The following EHMT1 variants were observed in gnomAD, a reference collection of about 807,000 sequenced individuals.
The protein encoded by EHMT1 is histone-lysine N-methyltransferase EHMT1.
EHMT1 carries 15 observed loss-of-function variants against 147.2 expected under a neutral mutation model. The observed-to-expected ratio is 0.10, with a 90% confidence interval of 0.07 to 0.16. The LOEUF is 0.16. Ranked by LOEUF, EHMT1 falls within the 10% of genes least tolerant of loss-of-function variation. The probability of loss-of-function intolerance (pLI) is 1.00; values close to 1 mark genes in which losing one functional copy is unlikely to be tolerated. For missense variants in EHMT1, 1,587 were observed against 1,772.4 expected (o/e 0.90, Z 1.88); for synonymous variants, 795 against 709.6 (o/e 1.12, Z -1.91).
At chr9:137,633,258 A>C (rs1843743358) in intron 1 of EHMT1, among the ~76,000 whole-genome samples, 1 of 152,152 alleles carries the variant, frequency 6.6e-6, no homozygotes, top group Admixed American at 6.5e-5. Flanking sequence ...TGCACCAAGA[A>C]GCAAAATCAA....
rs147417429 is a variant in EHMT1 at position 137,634,185 on chromosome 9, T to C, written c.21+15136T>C. On this transcript the variant is annotated intron_variant, in intron 1 of 26. Transcript: ENST00000460843. ...ATTTTTGATGAAATCCACCTTCTTG[T>C]TTTCCAGTTGGTTTCTTTGCTTTTG... 3.9e-5 allele frequency among the ~76,000 whole-genome samples: 6 copies of C among 152,322 alleles called. No homozygotes were observed. In the East Asian group the frequency reaches 9.6e-4, roughly 24 times the overall value.
At chr9:137,820,247 C>T (rs1955296583) in intron 25 of EHMT1, 2 of 152,250 alleles carry the variant, frequency 1.3e-5, no homozygotes, top group Admixed American at 6.5e-5. Flanking sequence ...CAGGCATCTC[C>T]CTGTGCAGTG....
intron 15 of EHMT1, among the ~76,000 whole-genome samples, chr9:137,789,408 G>C (rs1272768755): frequency 6.6e-6 from 1 of 152,248 alleles, no homozygotes; most frequent in Non-Finnish European, 1.5e-5. Flanking sequence ...TGTGCTGAGC[G>C]TGCGGGCAGA....
intron 1 of EHMT1, among the ~76,000 whole-genome samples, chr9:137,658,204 G>T (rs1252572996): frequency 6.6e-6 from 1 of 152,172 alleles, no homozygotes; most frequent in African/African-American, 2.4e-5. Flanking sequence ...AGGCTGGAGT[G>T]CTGCGGCATG....
chr9:137,686,761 C>T (rs1190134448), intron 1 of EHMT1, among the ~76,000 whole-genome samples: 20 of 143,202 alleles, frequency 1.4e-4, no homozygotes, highest in South Asian at 6.7e-4. Context: ...GATGGAGTCT[C>T]GCTCTGTCAC....
chr9:137,671,993 C>T (rs1437548344), intron 1 of EHMT1, among the ~76,000 whole-genome samples: 4 of 152,188 alleles, frequency 2.6e-5, no homozygotes, highest in African/African-American at 9.7e-5. Context: ...CCCAGCACTT[C>T]CTGTCCAGCA....
intron 1 of EHMT1, among the ~76,000 whole-genome samples, 181 bp downstream of exon 1, chr9:137,619,230 G>C (rs1294975928): frequency 3.5e-5 from 5 of 140,980 alleles, no homozygotes; most frequent in African/African-American, 1.0e-4. Flanking sequence ...CGAGGCCGCC[G>C]GGCGTCCGGC....
chr9:137,794,345 G>T (rs1289849137), intron 16 of EHMT1, among the ~76,000 whole-genome samples: 1 of 152,132 alleles, frequency 6.6e-6, no homozygotes, highest in Non-Finnish European at 1.5e-5. Flanking sequence ...AGAATTGCTA[G>T]ATCAAAGTAG....
intron 1 of EHMT1, among the ~76,000 whole-genome samples, chr9:137,686,351 GT>G (rs145138173): frequency 0.023 from 3,463 of 151,558 alleles, 119 homozygotes; most frequent in African/African-American, 0.079. Flanking sequence ...TCTCATATTT[GT>G]TTTTTTTATC....
In EHMT1 at chr9:137,798,920, G is replaced by A; in HGVS notation, c.2607+6G>A. 6.2e-7 allele frequency: 1 copy of A among 1,609,238 alleles called. No homozygotes were observed. The highest frequency in any genetic ancestry group is 8.5e-7 in the Non-Finnish European group (1 of 1,175,534). ...AGATGGACGTCAACTGTCAGGTACA[G>A]CCACCCCCTCCCCTTAGCAGTACAC... On this transcript the variant is annotated splice_donor_region_variant and intron_variant, in intron 17 of 26. Transcript: ENST00000460843.
intron 16 of EHMT1, among the ~76,000 whole-genome samples, chr9:137,794,476 C>T (rs1952752291): frequency 6.6e-6 from 1 of 151,844 alleles, no homozygotes; most frequent in African/African-American, 2.4e-5. Flanking sequence ...AGTGAGACCC[C>T]ATCTCTATAA....
At chr9:137,757,768 A>T in intron 8 of EHMT1, 112 bp from the exon 9 acceptor site, 1 of 1,510,690 alleles carries the variant, frequency 6.6e-7, no homozygotes, top group Non-Finnish European at 9.1e-7. Flanking sequence ...TTTTGAATGG[A>T]TTAATTAGAA....
At chr9:137,705,589 C>T (rs748705718) in intron 1 of EHMT1, among the ~76,000 whole-genome samples, 73 of 152,198 alleles carry the variant, frequency 4.8e-4, no homozygotes, top group Admixed American at 7.2e-4. Context: ...GTCTGTTGCT[C>T]AGGTGGAAAT....
At chr9:137,778,113 G>A (rs376694474) in intron 13 of EHMT1, 58 bp downstream of exon 13, 21 of 1,606,660 alleles carry the variant, frequency 1.3e-5, no homozygotes, top group Admixed American at 5.0e-5. Flanking sequence ...TCTGCACCCC[G>A]CGTTTTTCCC....
At chr9:137,711,757 C>G (rs532163224) in intron 2 of EHMT1, among the ~76,000 whole-genome samples, 1 of 152,038 alleles carries the variant, frequency 6.6e-6, no homozygotes, top group African/African-American at 2.4e-5. Context: ...GGGCAGGTGG[C>G]GCCAGACGAG....
rs1055203125 is a variant in EHMT1 at position 137,731,584 on chromosome 9, G to T, written c.823+3055G>T. Among the ~76,000 whole-genome samples, 1 of 152,148 alleles carries T rather than the reference G, an allele frequency of 6.6e-6. No homozygotes were observed. Among genetic ancestry groups the T allele is most frequent in the African/African-American group, 2.4e-5 (1 of 41,420 alleles). On this transcript the variant is annotated intron_variant, in intron 4 of 26. Transcript: ENST00000460843. This position sits in a 1 kb window ranked among gnomAD's most constrained non-coding sequence, Gnocchi z 4.3. ...GTGTCCATACAGAGCAGGAATCGGGGTACGTCCTATCCTGTTGTCACAGGA... is the reference window on the plus strand; with the variant it reads ...GTGTCCATACAGAGCAGGAATCGGGTTACGTCCTATCCTGTTGTCACAGGA...
chr9:137,706,713 C>G (rs1944298895), intron 1 of EHMT1, among the ~76,000 whole-genome samples: 2 of 152,044 alleles, frequency 1.3e-5, no homozygotes, highest in Admixed American at 6.6e-5. Flanking sequence ...TCTCGAACTC[C>G]TGACCTCAAG....
At chr9:137,772,437 C>T (rs976223298) in intron 10 of EHMT1, among the ~76,000 whole-genome samples, 1 of 152,174 alleles carries the variant, frequency 6.6e-6, no homozygotes, top group Admixed American at 6.5e-5. Context: ...TCTGTGGCCA[C>T]CTCTGCAGAG....
chr9:137,703,566 G>T (rs1400331624), intron 1 of EHMT1, among the ~76,000 whole-genome samples: 2 of 152,056 alleles, frequency 1.3e-5, no homozygotes, highest in African/African-American at 4.8e-5. Context: ...CTTAGAGCAG[G>T]GACACAGTGC....
Sources: gnomAD v4.1 joint callset for allele counts (sites outside exome capture counted in the v4.1 genomes callset) on GRCh38, gnomAD v4.1.1 for gene constraint, Gnocchi (gnomAD v3.1) non-coding constraint, MANE v1.5 for transcripts, NCBI Gene and HGNC (gene_info 2026-07-23, HGNC 2026-07-21) for gene names.